Variants in STXBP6 observed in about 807,000 individuals in gnomAD.
STXBP6 encodes the protein syntaxin binding protein 6, also known as syntaxin-binding protein 6.
A neutral mutation model predicts 26.9 loss-of-function variants in STXBP6; 21 were observed. That is an observed-to-expected ratio of 0.78 (90% confidence interval 0.55 to 1.12). The LOEUF (loss-of-function observed/expected upper bound fraction) is 1.12. Among genes scored for constraint, STXBP6 ranks in the 50% most tolerant of loss-of-function variants. The pLI is 0.00. For synonymous variants in STXBP6, 97 were observed against 92.6 expected, an observed-to-expected ratio of 1.05 and a Z score of -0.27; for missense variants, 232 against 257.9, an observed-to-expected ratio of 0.90 and a Z score of 0.69.
At chr14:25,020,007 T>C (rs1224965591) in intron 1 of STXBP6, among the ~76,000 whole-genome samples, 1 of 152,052 alleles carries the variant, frequency 6.6e-6, no homozygotes, top group Non-Finnish European at 1.5e-5. Context: ...TATAGACTGA[T>C]GGGCCTGCTT....
chr14:24,888,032 C>A (rs143112205), intron 2 of STXBP6, among the ~76,000 whole-genome samples: 1 of 152,182 alleles, frequency 6.6e-6, no homozygotes, highest in African/African-American at 2.4e-5. Flanking sequence ...TAATTAATCA[C>A]GTGATGATAA....
intron 1 of STXBP6, among the ~76,000 whole-genome samples, chr14:25,034,882 G>A (rs2075523238): frequency 1.3e-5 from 2 of 152,132 alleles, no homozygotes; most frequent in Non-Finnish European, 2.9e-5. Context: ...CGGGTGTGGT[G>A]GCTCACACCT....
At chr14:24,907,606 G>C (rs2071428081) in intron 2 of STXBP6, among the ~76,000 whole-genome samples, 1 of 151,454 alleles carries the variant, frequency 6.6e-6, no homozygotes, top group Non-Finnish European at 1.5e-5. Flanking sequence ...CTTCTTTTGT[G>C]GCTGATTACT....
At chr14:24,914,791 A>G (rs1595101029) in intron 2 of STXBP6, among the ~76,000 whole-genome samples, 1 of 152,232 alleles carries the variant, frequency 6.6e-6, no homozygotes, top group East Asian at 1.9e-4. Context: ...TCAAACGATG[A>G]ATCAAGATTT....
intron 1 of STXBP6, 38 bp from the exon 2 acceptor site, chr14:24,974,888 C>G: frequency 7.1e-7 from 1 of 1,413,230 alleles, no homozygotes; most frequent in Non-Finnish European, 9.5e-7. Flanking sequence ...TTGGAATTGA[C>G]AACATTGTAA....
chr14:24,912,307 T>C (rs1252338740), intron 2 of STXBP6, among the ~76,000 whole-genome samples: 1 of 152,122 alleles, frequency 6.6e-6, no homozygotes, highest in East Asian at 1.9e-4. Flanking sequence ...TTCAATCAAA[T>C]AATTCAAGAT....
chr14:24,937,289 TA>T (rs909106272), intron 2 of STXBP6, among the ~76,000 whole-genome samples: 1 of 152,046 alleles, frequency 6.6e-6, no homozygotes, highest in Middle Eastern at 3.4e-3. Flanking sequence ...AAATATAATT[TA>T]AAAAAAAGTA....
chr14:24,845,704 C>T (rs2068938633), intron 4 of STXBP6, among the ~76,000 whole-genome samples: 1 of 152,202 alleles, frequency 6.6e-6, no homozygotes, highest in African/African-American at 2.4e-5. Flanking sequence ...AACTTGTCCA[C>T]ACTCTAGTCC....
intron 2 of STXBP6, among the ~76,000 whole-genome samples, chr14:24,902,281 G>C (rs143984508): frequency 2.3e-4 from 35 of 152,170 alleles, no homozygotes; most frequent in African/African-American, 7.9e-4. Context: ...ATTTATGTTA[G>C]AACTCCATGC....
chr14:25,020,845 C>T (rs370407949), intron 1 of STXBP6, among the ~76,000 whole-genome samples: 17 of 152,160 alleles, frequency 1.1e-4, no homozygotes, highest in East Asian at 5.8e-4. Context: ...CTCCCTTTGT[C>T]TTTCCCCTTC....
intron 2 of STXBP6, among the ~76,000 whole-genome samples, chr14:24,952,279 G>A (rs541251008): frequency 6.6e-6 from 1 of 150,498 alleles, no homozygotes; most frequent in South Asian, 2.1e-4. Flanking sequence ...CTCTGCTTAG[G>A]GGGTAGCCAT....
At chr14:24,991,240 A>T (rs960244982) in intron 1 of STXBP6, among the ~76,000 whole-genome samples, 1 of 152,178 alleles carries the variant, frequency 6.6e-6, no homozygotes, top group African/African-American at 2.4e-5. Flanking sequence ...AGTCATCCCC[A>T]CTTCCAGTAC....
chr14:24,885,709 G>A (rs1482525519), intron 2 of STXBP6, among the ~76,000 whole-genome samples: 2 of 152,282 alleles, frequency 1.3e-5, no homozygotes, highest in East Asian at 3.9e-4. Context: ...CATGCATTCA[G>A]TATTTAGTCC....
intron 2 of STXBP6, among the ~76,000 whole-genome samples, chr14:24,860,869 A>C (rs2069513925): frequency 6.6e-6 from 1 of 151,530 alleles, no homozygotes; most frequent in Admixed American, 6.6e-5. Flanking sequence ...AAATAAAATA[A>C]ATATCCTTAA....
intron 4 of STXBP6, among the ~76,000 whole-genome samples, chr14:24,844,196 A>C (rs1417977649): frequency 6.6e-6 from 1 of 152,220 alleles, no homozygotes; most frequent in Non-Finnish European, 1.5e-5. Flanking sequence ...CCTCAACTCC[A>C]TGGGGACAGA....
chr14:24,829,366 T>C (rs1401759237), intron 4 of STXBP6, among the ~76,000 whole-genome samples: 1 of 152,236 alleles, frequency 6.6e-6, no homozygotes, highest in Non-Finnish European at 1.5e-5. Flanking sequence ...CTTCATGAAC[T>C]GTTTCATAAA....
chr14:24,861,911 C>T (rs2069551657), intron 2 of STXBP6, among the ~76,000 whole-genome samples: 1 of 152,182 alleles, frequency 6.6e-6, no homozygotes, highest in Admixed American at 6.5e-5. Context: ...CTGTTTCTTC[C>T]TTCCCATCTT....
intron 2 of STXBP6, among the ~76,000 whole-genome samples, chr14:24,937,981 G>C (rs564830730): frequency 6.6e-6 from 1 of 152,336 alleles, no homozygotes; most frequent in East Asian, 1.9e-4. Flanking sequence ...ATGCAGAAAC[G>C]TGTTGATGAG....
chr14:24,962,888 GA>G (rs34723086), intron 2 of STXBP6, among the ~76,000 whole-genome samples: 14 of 143,840 alleles, frequency 9.7e-5, no homozygotes, highest in Admixed American at 3.5e-4. Flanking sequence ...GGTGAAAACT[GA>G]AAAAAAAAAA....
Sources: allele counts gnomAD v4.1 joint callset (sites outside exome capture counted in the v4.1 genomes callset), GRCh38; gene constraint gnomAD v4.1.1; transcripts MANE v1.5; gene names NCBI Gene and HGNC (gene_info 2026-07-23, HGNC 2026-07-21).